The following TNFRSF8 variants were observed in gnomAD, a reference collection of about 807,000 sequenced individuals.
The protein encoded by TNFRSF8 is TNF receptor superfamily member 8.
Under a neutral mutation model 70.8 loss-of-function variants are expected in TNFRSF8, and 26 were observed. The observed-to-expected ratio is 0.37, with a 90% CI of 0.27 to 0.51. TNFRSF8 has a LOEUF of 0.51. Among genes scored for constraint, TNFRSF8 ranks in the 20% least tolerant of loss-of-function variants. TNFRSF8 has a pLI of 0.94. For synonymous variants in TNFRSF8, 356 were observed against 339.2 expected, an observed-to-expected ratio of 1.05 and a Z score of -0.54; for missense variants, 720 against 807.9, an observed-to-expected ratio of 0.89 and a Z score of 1.32.
intron 1 of TNFRSF8, among the ~76,000 whole-genome samples, chr1:12,066,560 C>T (rs868622559): frequency 3.3e-5 from 5 of 151,968 alleles, no homozygotes; most frequent in Non-Finnish European, 7.4e-5. Context: ...ATAATGTTGG[C>T]CAGGCTGGTC....
intron 1 of TNFRSF8, among the ~76,000 whole-genome samples, chr1:12,066,655 A>C (rs1640747024): frequency 6.8e-6 from 1 of 147,264 alleles, no homozygotes; most frequent in South Asian, 2.2e-4. Context: ...CCCCGGCCTA[A>C]ATTTTTTTTT....
In TNFRSF8 at chr1:12,064,637, A is replaced by G. The variant is rs570305691; in HGVS notation, c.63+976A>G. ...AGAGAGGACTCCATGCTATGGATCA[A>G]TTCTAGTCATCTGAACCTTAGGCAG... On this transcript the variant is annotated intron_variant, in intron 1 of 14. Coordinates refer to ENST00000263932, the MANE Select transcript of TNFRSF8 (RefSeq NM_001243.5). Among the ~76,000 whole-genome samples, 10 of 152,296 alleles carry G rather than the reference A, an allele frequency of 6.6e-5. No individual in the cohort carries two copies. The South Asian group carries it at 1.5e-3, about 22-fold the overall frequency.
intron 4 of TNFRSF8, among the ~76,000 whole-genome samples, chr1:12,107,407 C>T (rs1641544207): frequency 6.6e-6 from 1 of 151,424 alleles, no homozygotes. Context: ...AAAAAAAATC[C>T]GATAAAAAAT....
rs569332216 is a variant in TNFRSF8 at position 12,110,825 on chromosome 1, C to G, written c.676+621C>G. 6.6e-6 allele frequency among the ~76,000 whole-genome samples: 1 copy of G among 151,164 alleles called. No homozygotes were observed. The highest frequency in any genetic ancestry group is 2.1e-4 in the South Asian group (1 of 4,748). On this transcript the variant is annotated intron_variant, in intron 6 of 14. Transcript: ENST00000263932. This position sits in a 1 kb window ranked among gnomAD's most constrained non-coding sequence, Gnocchi z 4.0. ...GTTGGTCAGGCTGGTCTCGAACTCC[C>G]GACCTCAGGTGATCCGCCCACCTCG...
Position 12,120,986 on chromosome 1 carries a change from G to A in TNFRSF8, c.947-2298G>A, listed in dbSNP as rs571283320. On this transcript the variant is annotated intron_variant, in intron 8 of 14. Coordinates refer to ENST00000263932, the MANE Select transcript of TNFRSF8 (RefSeq NM_001243.5). ...CAGCAGCAGCTGAGACCATGGGCCTGTCTAGTTACATCAGGCTGCCTTGGA... is the reference window on the plus strand; with the variant it reads ...CAGCAGCAGCTGAGACCATGGGCCTATCTAGTTACATCAGGCTGCCTTGGA... 9.2e-5 allele frequency among the ~76,000 whole-genome samples: 14 copies of A among 152,340 alleles called. No individual in the cohort carries two copies. In the South Asian group the frequency reaches 2.9e-3, roughly 32 times the overall value.
At chr1:12,073,633 G>A (rs1177607822) in intron 1 of TNFRSF8, among the ~76,000 whole-genome samples, 4 of 138,488 alleles carry the variant, frequency 2.9e-5, no homozygotes, top group South Asian at 2.2e-4. Flanking sequence ...TCACTCTGTC[G>A]CCCAGGCTGG....
At chr1:12,121,344 C>T (rs3753577) in intron 8 of TNFRSF8, among the ~76,000 whole-genome samples, 7,481 of 152,176 alleles carry the variant, frequency 0.049, 490 homozygotes, top group East Asian at 0.19. Flanking sequence ...AGAGGCGTCA[C>T]GAACACTTTG....
chr1:12,140,426 C>T (rs1056337022), intron 14 of TNFRSF8, among the ~76,000 whole-genome samples: 5 of 152,172 alleles, frequency 3.3e-5, no homozygotes, highest in African/African-American at 1.2e-4. Context: ...AACCCCTTTC[C>T]CCCCAACTTC....
In TNFRSF8 at chr1:12,071,026, C is replaced by G. The variant is rs146518942; in HGVS notation, c.63+7365C>G. ...TTGGCCCCCACATTATCTGTTCATT[C>G]GTTCCAACCCAAGCCTAGGCTCTTT... On this transcript the variant is annotated intron_variant, in intron 1 of 14. Transcript: ENST00000263932. 1.6e-3 allele frequency among the ~76,000 whole-genome samples: 249 copies of G among 152,264 alleles called. 1 individual carries two copies. The highest frequency in any genetic ancestry group is 5.8e-3 in the African/African-American group (240 of 41,552).
rs1238544343 is a variant in TNFRSF8 at position 12,138,478 on chromosome 1, C to T, written c.1543+42C>T. ...TGGGAGGTCCCCTGCAGCCCAGGGG[C>T]AGATGGGAGATGAATACGGGGCCCT... is the stretch of plus-strand genomic sequence containing the variant. On this transcript the variant is annotated intron_variant, in intron 14 of 14. Transcript: ENST00000263932. This position sits in a 1 kb window ranked among gnomAD's most constrained non-coding sequence, Gnocchi z 5.7. 2 of 1,564,064 alleles carry T rather than the reference C, an allele frequency of 1.3e-6. No homozygotes were observed. The highest frequency in any genetic ancestry group is 1.2e-5 in the South Asian group (1 of 86,054).
chr1:12,095,239 A>G (rs1447398331), intron 2 of TNFRSF8, among the ~76,000 whole-genome samples: 1 of 150,908 alleles, frequency 6.6e-6, no homozygotes, highest in African/African-American at 2.4e-5. Flanking sequence ...CTGTGGAGTT[A>G]TTTTACCCTA....
In TNFRSF8 at chr1:12,078,546, G is replaced by A. The variant is rs895758979; in HGVS notation, c.64-5918G>A. 3.9e-5 allele frequency among the ~76,000 whole-genome samples: 6 copies of A among 152,190 alleles called. No individual in the cohort carries two copies. In the East Asian group the frequency reaches 7.7e-4, roughly 20 times the overall value. On this transcript the variant is annotated intron_variant, in intron 1 of 14. Coordinates refer to ENST00000263932, the MANE Select transcript of TNFRSF8 (RefSeq NM_001243.5). Reference sequence around the variant, plus strand: ...ACCACTGCACTCCAGCTTGGGCGACGGAGCGAGTACTCTGTCTTAAAAAAC... The same window carrying A: ...ACCACTGCACTCCAGCTTGGGCGACAGAGCGAGTACTCTGTCTTAAAAAAC...
At chr1:12,114,787 C>T (rs530312996) in intron 7 of TNFRSF8, among the ~76,000 whole-genome samples, 25 of 138,666 alleles carry the variant, frequency 1.8e-4, no homozygotes, top group African/African-American at 6.4e-4. Context: ...TGGCTCACTG[C>T]AACCTCTGCC....
At chr1:12,120,386 C>G (rs1641808919) in intron 8 of TNFRSF8, among the ~76,000 whole-genome samples, 1 of 152,128 alleles carries the variant, frequency 6.6e-6, no homozygotes, top group Admixed American at 6.5e-5. Flanking sequence ...TAGTAAATTT[C>G]ATGATTAGTA....
intron 1 of TNFRSF8, among the ~76,000 whole-genome samples, chr1:12,064,001 G>A (rs1569965989): frequency 1.3e-5 from 2 of 152,340 alleles, no homozygotes; most frequent in African/African-American, 4.8e-5. Context: ...ATCAGGTGAG[G>A]CCGTGGGAGT....
Position 12,113,639 on chromosome 1 carries a change from G to A in TNFRSF8, c.793+1625G>A, listed in dbSNP as rs1641673046. On this transcript the variant is annotated intron_variant, in intron 7 of 14. Coordinates refer to ENST00000263932, the MANE Select transcript of TNFRSF8 (RefSeq NM_001243.5). The surrounding 1 kb of genome is among the most constrained non-coding windows in gnomAD (Gnocchi z 4.9). Reference sequence around the variant, plus strand: ...ACAGAAAGAGGGAGAGAGAGAGACAGAAAGAGAAAGAGACGGAGTGAGCGA... The same window carrying A: ...ACAGAAAGAGGGAGAGAGAGAGACAAAAAGAGAAAGAGACGGAGTGAGCGA... Among the ~76,000 whole-genome samples the A allele has an allele frequency of 6.6e-6, 1 of 151,556 alleles. No individual in the cohort carries two copies. The highest frequency in any genetic ancestry group is 2.4e-5 in the African/African-American group (1 of 41,142).
At chr1:12,103,015 T>A (rs1165571468) in intron 3 of TNFRSF8, among the ~76,000 whole-genome samples, 2 of 152,198 alleles carry the variant, frequency 1.3e-5, no homozygotes, top group Non-Finnish European at 1.5e-5. Flanking sequence ...TGGCCAGCTG[T>A]GTATCTTCTT....
At position 12,110,182 on chromosome 1, in the gene TNFRSF8, G is replaced by A. The variant is rs61760049; in HGVS notation, c.654G>A (p.Val218=). ...GGGCTCCCGACTCTCCCTCCTCTGT[G>A]GGAAGGCCTAGTTCAGATCCAGGTA... ...LTRAPDSPSS[V]GRPSSDPGLS... The change falls in exon 6 of 15, where the codon GTG becomes GTA. Residue 218 remains valine, a synonymous_variant. Coordinates refer to ENST00000263932, the MANE Select transcript of TNFRSF8 (RefSeq NM_001243.5). This position sits in a 1 kb window ranked among gnomAD's most constrained non-coding sequence, Gnocchi z 4.0. 99 of 1,606,092 alleles carry A rather than the reference G, an allele frequency of 6.2e-5. No homozygotes were observed. The East Asian group carries it at 2.2e-3, about 35-fold the overall frequency.
rs559386399 is a variant in TNFRSF8 at position 12,069,992 on chromosome 1, G to T, written c.63+6331G>T. 3.3e-5 allele frequency among the ~76,000 whole-genome samples: 5 copies of T among 152,338 alleles called. No homozygotes were observed. In the South Asian group the frequency reaches 1.0e-3, roughly 32 times the overall value. On this transcript the variant is annotated intron_variant, in intron 1 of 14. Coordinates refer to ENST00000263932, the MANE Select transcript of TNFRSF8 (RefSeq NM_001243.5). ...AAGAGGCTAGAGGAACAGGAAGGAG[G>T]CCGGGGTGGCTGGAGGGAAGTGAGT...
Sources: allele counts gnomAD v4.1 joint callset (sites outside exome capture counted in the v4.1 genomes callset), GRCh38; gene constraint gnomAD v4.1.1; non-coding constraint Gnocchi (gnomAD v3.1); transcripts MANE v1.5; gene names NCBI Gene and HGNC (gene_info 2026-07-23, HGNC 2026-07-21).